CTBP1: variants seen among roughly 807,000 people sequenced by gnomAD.
CTBP1 encodes the protein C-terminal-binding protein 1.
A neutral mutation model predicts 42.1 loss-of-function variants in CTBP1; 11 were observed. That is an observed-to-expected ratio of 0.26 (90% CI 0.16 to 0.43). CTBP1 has a LOEUF of 0.43. Among genes scored for constraint, CTBP1 ranks in the 20% least tolerant of loss-of-function variants. The pLI is 1.00. For synonymous variants in CTBP1, 324 were observed against 277.1 expected (o/e 1.17, Z -1.68); for missense variants, 399 against 624.3 (o/e 0.64, Z 3.85).
At position 1,235,623 on chromosome 4, in the gene CTBP1, A is replaced by G. The variant is rs1288913052; in HGVS notation, c.162+2560T>C. 6.6e-6 allele frequency: 1 copy of G among 152,044 alleles called. No individual in the cohort carries two copies. The highest frequency in any genetic ancestry group is 6.5e-5 in the Admixed American group (1 of 15,276). 9.4% of individuals were successfully genotyped at this position (152,044 alleles called of 1,614,324 possible). ...CCCTAACGCTGCTACGCCCCGTTCC[A>G]GAGTCATCAGCTCTTCGTCGGTGTC... On this transcript the variant is annotated intron_variant, in intron 3 of 9. Coordinates refer to ENST00000382952, the MANE Select transcript of CTBP1 (RefSeq NM_001012614.2). This position sits in a 1 kb window ranked among gnomAD's most constrained non-coding sequence, Gnocchi z 4.2.
chr4:1,228,880 G>A (rs145740494), intron 3 of CTBP1, among the ~76,000 whole-genome samples: 12 of 152,358 alleles, frequency 7.9e-5, no homozygotes, highest in East Asian at 5.8e-4. Flanking sequence ...CCACCCAGCC[G>A]TAAGGATACA....
chr4:1,248,662 T>C lies in CTBP1; in HGVS notation c.-189+254A>G, dbSNP rs929860214. On this transcript the variant is annotated intron_variant, in intron 1 of 9. Transcript: ENST00000382952. The stretch of plus-strand genomic sequence containing the variant: ...GGCCCACAGGCCCTTTTGTGTCACC[T>C]GCACGGGCCGCGGGCGGGGAGAGCA... 7 of 982,558 alleles carry C rather than the reference T, an allele frequency of 7.1e-6. No homozygotes were observed. In the African/African-American group the frequency reaches 1.2e-4, roughly 17 times the overall value. 60.9% of individuals were successfully genotyped at this position (982,558 alleles called of 1,614,324 possible). A position where few individuals can be genotyped will look rare whatever the true frequency, so the allele number is the denominator to read the frequency against.
In CTBP1 at chr4:1,225,276, C is replaced by T. The variant is rs897009402; in HGVS notation, c.514+84G>A. ...CACCTGCAGCAGCCCCACCCCGCCC[C>T]GGGCCTCTCCTCCTGGGCACAGCTG... is the stretch of plus-strand genomic sequence containing the variant. On this transcript the variant is annotated intron_variant, in intron 5 of 9. Transcript: ENST00000382952. 57 of 1,444,976 alleles carry T rather than the reference C, an allele frequency of 3.9e-5. 1 individual carries two copies. In the Admixed American group the frequency reaches 8.1e-4, roughly 21 times the overall value. 89.5% of individuals were successfully genotyped at this position (1,444,976 alleles called of 1,614,324 possible). A position where few individuals can be genotyped will look rare whatever the true frequency, so the allele number is the denominator to read the frequency against.
chr4:1,226,358 G>A (rs1009452438), intron 4 of CTBP1, among the ~76,000 whole-genome samples: 2 of 152,112 alleles, frequency 1.3e-5, no homozygotes, highest in Non-Finnish European at 1.5e-5. Flanking sequence ...GGAGGAGGAG[G>A]GGGCAGGAGG....
chr4:1,228,822 TG>T (rs939347319), intron 3 of CTBP1, among the ~76,000 whole-genome samples: 1 of 151,976 alleles, frequency 6.6e-6, no homozygotes, highest in African/African-American at 2.4e-5. Flanking sequence ...AGGTAGAAAG[TG>T]GTAAGTCCCC....
At chr4:1,236,004 C>G (rs758822208) in intron 3 of CTBP1, 1 of 152,542 alleles carries the variant, frequency 6.6e-6, no homozygotes, top group Non-Finnish European at 1.5e-5. Context: ...CAGATGTCAC[C>G]TTTCAGGCCA....
chr4:1,246,044 C>T (rs574522382), intron 1 of CTBP1, among the ~76,000 whole-genome samples: 1 of 152,196 alleles, frequency 6.6e-6, no homozygotes, highest in African/African-American at 2.4e-5. Context: ...AAAAAACGAA[C>T]ATTTCCTTGT....
At chr4:1,240,759 T>C (rs529670567) in intron 2 of CTBP1, among the ~76,000 whole-genome samples, 9 of 152,270 alleles carry the variant, frequency 5.9e-5, no homozygotes, top group Non-Finnish European at 1.2e-4. Context: ...GAGCTGCCCC[T>C]GACCACCGTG....
Position 1,241,370 on chromosome 4 carries a change from A to C in CTBP1, c.-39T>G. On this transcript the variant is annotated 5_prime_UTR_variant, in exon 2 of 10. Transcript: ENST00000382952. The stretch of plus-strand genomic sequence containing the variant: ...CTCAGCTTCCACGACCATGAATTCG[A>C]CTTTTCAAAGCTTTTTATCTTCAGG... 1 of 1,084,448 alleles carries C rather than the reference A, an allele frequency of 9.2e-7. No homozygotes were observed. Among genetic ancestry groups the C allele is most frequent in the Non-Finnish European group, 1.4e-6 (1 of 695,916 alleles). The allele number at this position is 1,084,448 out of a possible 1,614,324, so 67.2% of individuals were successfully genotyped here.
intron 1 of CTBP1, among the ~76,000 whole-genome samples, chr4:1,246,543 C>T (rs781309597): frequency 4.6e-5 from 7 of 152,234 alleles, no homozygotes; most frequent in Non-Finnish European, 1.0e-4. Context: ...CAGGGCACAG[C>T]CGGGCACAAA....
chr4:1,248,731 G>A (rs1464254110), intron 1 of CTBP1, 185 bp downstream of exon 1: 23 of 980,642 alleles, frequency 2.3e-5, no homozygotes, highest in South Asian at 4.7e-5. Context: ...GCATGCGCAA[G>A]ACCCTTCCCG....
At chr4:1,246,799 G>A (rs539172769) in intron 1 of CTBP1, among the ~76,000 whole-genome samples, 8 of 152,362 alleles carry the variant, frequency 5.3e-5, no homozygotes, top group African/African-American at 1.2e-4. Context: ...CCTGGGGCCC[G>A]TTTCCTGGAG....
At position 1,211,877 on chromosome 4, in the gene CTBP1, A is replaced by AC. The variant is rs1452367395; in HGVS notation, c.*362_*363insG. 1 of 174,676 alleles carries AC rather than the reference A, an allele frequency of 5.7e-6. No individual in the cohort carries two copies. Among genetic ancestry groups the AC allele is most frequent in the African/African-American group, 2.4e-5 (1 of 42,124 alleles). 10.8% of individuals were successfully genotyped at this position (174,676 alleles called of 1,614,324 possible). ...ACGTTCCAACATACAAAAAAAAAAA[A>AC]AACAAAAAAAAAAACCTCAAATTGA... On this transcript the variant is annotated 3_prime_UTR_variant, in exon 10 of 10. Transcript: ENST00000382952.
chr4:1,220,756 C>T lies in CTBP1; in HGVS notation c.515-4551G>A, dbSNP rs1306548379. Among the ~76,000 whole-genome samples, 8 of 152,380 alleles carry T rather than the reference C, an allele frequency of 5.3e-5. No individual in the cohort carries two copies. In the East Asian group the frequency reaches 7.7e-4, roughly 15 times the overall value. Reference sequence around the variant, plus strand: ...GCCAACCGGAAGGAGGGCTCCTCGGCGCATCGTGCCGCAGCGACCTGCCAT... The same window carrying T: ...GCCAACCGGAAGGAGGGCTCCTCGGTGCATCGTGCCGCAGCGACCTGCCAT... On this transcript the variant is annotated intron_variant, in intron 5 of 9. Transcript: ENST00000382952.
intron 4 of CTBP1, among the ~76,000 whole-genome samples, chr4:1,226,446 G>A (rs943608834): frequency 6.6e-5 from 10 of 152,040 alleles, no homozygotes; most frequent in African/African-American, 2.4e-4. Flanking sequence ...GGGGCCGGGA[G>A]AGGGCCTGAT....
intron 3 of CTBP1, among the ~76,000 whole-genome samples, chr4:1,230,261 GTGGGCGAC>G (rs1730826226): frequency 6.6e-6 from 1 of 152,218 alleles, no homozygotes; most frequent in African/African-American, 2.4e-5. Flanking sequence ...GAGGCCAGCA[GTGGGCGAC>G]TGGTGCACAG....
intron 5 of CTBP1, among the ~76,000 whole-genome samples, chr4:1,219,067 C>A (rs1204441790): frequency 6.6e-6 from 1 of 152,162 alleles, no homozygotes; most frequent in Non-Finnish European, 1.5e-5. Flanking sequence ...CGCCGTGGCT[C>A]ACACCCGTAA....
intron 2 of CTBP1, 96 bp downstream of exon 2, chr4:1,241,229 G>A: frequency 1.3e-6 from 1 of 777,976 alleles, no homozygotes. Flanking sequence ...TGCAGCCCAG[G>A]TCCCTCGACT....
chr4:1,238,456 T>TA lies in CTBP1; in HGVS notation c.8-120dup. The TA allele has an allele frequency of 8.3e-7, 1 of 1,201,768 alleles. No individual in the cohort carries two copies. The allele number at this position is 1,201,768 out of a possible 1,614,324, so 74.4% of individuals were successfully genotyped here. A position where few individuals can be genotyped will look rare whatever the true frequency, so the allele number is the denominator to read the frequency against. ...GCCGACCGCCGGGGGTTTTCTGGTC[T>TA]ATATGTTGTGATATTTGTAAAAAGT... On this transcript the variant is annotated intron_variant, in intron 2 of 9. Coordinates refer to ENST00000382952, the MANE Select transcript of CTBP1 (RefSeq NM_001012614.2). This position sits in a 1 kb window ranked among gnomAD's most constrained non-coding sequence, Gnocchi z 5.9.
Sources: allele counts gnomAD v4.1 joint callset (sites outside exome capture counted in the v4.1 genomes callset), GRCh38; gene constraint gnomAD v4.1.1; non-coding constraint Gnocchi (gnomAD v3.1); transcripts MANE v1.5; gene names NCBI Gene and HGNC (gene_info 2026-07-23, HGNC 2026-07-21).